The following CCDC14 variants were observed in gnomAD, a reference collection of about 807,000 sequenced individuals.
CCDC14 encodes the protein coiled-coil domain containing 14, also known as coiled-coil domain-containing protein 14.
Under a neutral mutation model 81.4 loss-of-function variants are expected in CCDC14, and 71 were observed. That is an observed-to-expected ratio of 0.87 (90% CI 0.72 to 1.06). The LOEUF (loss-of-function observed/expected upper bound fraction) is 1.06, where lower values mean the gene tolerates loss of function less well. Among genes scored for constraint, CCDC14 ranks in the 50% least tolerant of loss-of-function variants. The probability of loss-of-function intolerance (pLI) is 0.00; values close to 1 mark genes in which losing one functional copy is unlikely to be tolerated. For missense variants in CCDC14, 1,046 were observed against 1,047.3 expected (o/e 1.00, Z 0.02); for synonymous variants, 332 against 364.8 (o/e 0.91, Z 1.03).
chr3:123,919,149 C>T (rs901742025), intron 12 of CCDC14, among the ~76,000 whole-genome samples: 5 of 152,134 alleles, frequency 3.3e-5, no homozygotes, highest in South Asian at 2.1e-4. Context: ...CTGTGGAGGT[C>T]GGCATCTGGC....
intron 12 of CCDC14, among the ~76,000 whole-genome samples, chr3:123,925,090 G>A (rs2464117): frequency 0.82 from 123,273 of 151,118 alleles, 50,781 homozygotes; most frequent in African/African-American, 0.93. Flanking sequence ...ATTTCTTTAA[G>A]GAAAACGTGG....
At chr3:123,890,061 C>G in the CCDC14 span, among the ~76,000 whole-genome samples, 1 of 152,186 alleles carries the variant, frequency 6.6e-6, no homozygotes, top group Non-Finnish European at 1.5e-5. Context: ...TGGCAGCAGG[C>G]AGAGGGAGGG....
the CCDC14 span, among the ~76,000 whole-genome samples, chr3:123,890,684 G>A: frequency 6.6e-6 from 1 of 152,136 alleles, no homozygotes; most frequent in African/African-American, 2.4e-5. Flanking sequence ...TTTGCAGGAT[G>A]TAGCCTCCCT....
At chr3:123,928,907 T>C (rs987167946) in intron 12 of CCDC14, among the ~76,000 whole-genome samples, 1 of 152,116 alleles carries the variant, frequency 6.6e-6, no homozygotes. Flanking sequence ...TCTATGAAAA[T>C]GCAGATACTA....
At position 123,947,275 on chromosome 3, in the gene CCDC14, T is replaced by C. The variant is rs2036695529; in HGVS notation, c.729A>G (p.Lys243=). 1.2e-6 allele frequency: 2 copies of C among 1,613,270 alleles called. No individual in the cohort carries two copies. The highest frequency in any genetic ancestry group is 1.3e-5 in the African/African-American group (1 of 74,896). The change falls in exon 8 of 13, where the codon AAA becomes AAG. Residue 243 remains lysine, a synonymous_variant. Transcript: ENST00000409697. ...CATCAGTACAGGTTGCAGAAACTGT[T>C]TTACCTTGTGATGCAAACTGACTGT... The part of the protein sequence containing the change: ...DGNSQFASQG[K]TVSATCTDVL...
intron 12 of CCDC14, among the ~76,000 whole-genome samples, chr3:123,923,580 T>A (rs1462391514): frequency 6.6e-6 from 1 of 151,492 alleles, no homozygotes; most frequent in Admixed American, 6.6e-5. Context: ...GGATACAAAA[T>A]CAACATAAAA....
chr3:123,937,109 A>T (rs977404794), intron 9 of CCDC14, among the ~76,000 whole-genome samples: 19 of 152,108 alleles, frequency 1.2e-4, no homozygotes, highest in Admixed American at 1.2e-3. Flanking sequence ...TTGTTTATCC[A>T]TTCACCTATT....
At chr3:123,920,612 G>A (rs1223197123) in intron 12 of CCDC14, among the ~76,000 whole-genome samples, 2 of 152,178 alleles carry the variant, frequency 1.3e-5, no homozygotes, top group African/African-American at 2.4e-5. Context: ...GTCCAGAAAT[G>A]AGGGAGAAAT....
intron 12 of CCDC14, among the ~76,000 whole-genome samples, chr3:123,920,151 A>G (rs922985921): frequency 6.6e-6 from 1 of 152,206 alleles, no homozygotes; most frequent in Non-Finnish European, 1.5e-5. Context: ...TCAATAGTAT[A>G]CTTGATCAAG....
At chr3:123,908,545 T>G (rs566509893), downstream of CCDC14, among the ~76,000 whole-genome samples, 9 of 152,356 alleles carry the variant, frequency 5.9e-5, no homozygotes, top group African/African-American at 1.9e-4. Context: ...ATTGCCTGTT[T>G]AAGTGTTTTA....
chr3:123,895,960 C>A (rs948052975), downstream of CCDC14, among the ~76,000 whole-genome samples: 1 of 152,214 alleles, frequency 6.6e-6, no homozygotes, highest in Non-Finnish European at 1.5e-5. Flanking sequence ...GAAGAGATAG[C>A]TGCATTCCCA....
At chr3:123,889,492 T>TA in the CCDC14 span, among the ~76,000 whole-genome samples, 1 of 152,200 alleles carries the variant, frequency 6.6e-6, no homozygotes, top group African/African-American at 2.4e-5. Flanking sequence ...GGGAAGTCAT[T>TA]AAATCTTAAA....
At position 123,914,691 on chromosome 3, in the gene CCDC14, A is replaced by C. The variant is rs574820486; in HGVS notation, c.*88T>G. On this transcript the variant is annotated 3_prime_UTR_variant, in exon 13 of 13. Coordinates refer to ENST00000409697, the MANE Select transcript of CCDC14 (RefSeq NM_001366335.1). ...ATATTACTTCACACATAATAACATA[A>C]AACATCATTTCACTAAAGAAAAATA... 4.0e-4 allele frequency: 581 copies of C among 1,444,326 alleles called. No individual in the cohort carries two copies. Among genetic ancestry groups the C allele is most frequent in the Admixed American group, 6.4e-4 (22 of 34,370 alleles). The allele number at this position is 1,444,326 out of a possible 1,614,324, so 89.5% of individuals were successfully genotyped here.
intron 12 of CCDC14, among the ~76,000 whole-genome samples, chr3:123,928,236 G>A (rs1353521315): frequency 2.6e-5 from 4 of 151,062 alleles, no homozygotes; most frequent in Non-Finnish European, 5.9e-5. Flanking sequence ...GGTGGCTCAC[G>A]CTGGTAATCC....
At chr3:123,897,737 C>T (rs2034096172) in intron 5 of CCDC14, 1 of 301,310 alleles carries the variant, frequency 3.3e-6, no homozygotes, top group Non-Finnish European at 5.1e-6. Context: ...TCTCCGTTTG[C>T]TACCCTCAAG....
chr3:123,896,982 A>G (rs1276038554), downstream of CCDC14, among the ~76,000 whole-genome samples: 1 of 152,154 alleles, frequency 6.6e-6, no homozygotes, highest in African/African-American at 2.4e-5. Context: ...ATCACTTTAG[A>G]TCAGCACCCC....
At chr3:123,940,557 G>T (rs997984261) in intron 9 of CCDC14, among the ~76,000 whole-genome samples, 6 of 151,754 alleles carry the variant, frequency 4.0e-5, no homozygotes, top group African/African-American at 7.3e-5. Flanking sequence ...TGTGACTTTT[G>T]TGATGTCACT....
At chr3:123,947,385 A>C in intron 7 of CCDC14, 66 bp from the exon 8 acceptor site, 1 of 1,075,294 alleles carries the variant, frequency 9.3e-7, no homozygotes, top group Non-Finnish European at 1.3e-6. Context: ...AATTACAACA[A>C]ACTCAAATAT....
chr3:123,914,623 C>T lies in CCDC14; in HGVS notation c.*156G>A, dbSNP rs2148777188. On this transcript the variant is annotated 3_prime_UTR_variant, in exon 13 of 13. Transcript: ENST00000409697. ...AGATGACTTGTTTTTATAAGCTCCT[C>T]AGTGTCAATATATCTCAACAATACA... 1.5e-6 allele frequency: 2 copies of T among 1,314,040 alleles called. No individual in the cohort carries two copies. The highest frequency in any genetic ancestry group is 2.5e-5 in the South Asian group (1 of 39,758). The allele number at this position is 1,314,040 out of a possible 1,614,324, so 81.4% of individuals were successfully genotyped here.
Sources: allele counts gnomAD v4.1 joint callset (sites outside exome capture counted in the v4.1 genomes callset), GRCh38; gene constraint gnomAD v4.1.1; transcripts MANE v1.5; gene names NCBI Gene and HGNC (gene_info 2026-07-23, HGNC 2026-07-21).